Variants in DEPDC5 observed in about 807,000 individuals in gnomAD.
DEPDC5 encodes GATOR1 complex protein DEPDC5.
DEPDC5 carries 73 observed loss-of-function variants against 217.3 expected under a neutral mutation model. The observed-to-expected ratio is 0.34, with a 90% CI of 0.28 to 0.41. The LOEUF (loss-of-function observed/expected upper bound fraction) is 0.41. Among genes scored for constraint, DEPDC5 ranks in the 10% least tolerant of loss-of-function variants. DEPDC5 has a pLI of 1.00. For missense variants in DEPDC5, 1,675 were observed against 2,070.1 expected (o/e 0.81, Z 3.70); for synonymous variants, 733 against 756.7 (o/e 0.97, Z 0.51).
intron 23 of DEPDC5, 87 bp from the exon 24 acceptor site, chr22:31,822,606 C>T: frequency 2.3e-6 from 3 of 1,329,820 alleles, no homozygotes; most frequent in Non-Finnish European, 1.1e-6. Context: ...TTTTATGAAC[C>T]TACCTCCCAC....
chr22:31,876,885 G>C (rs2093006464), intron 37 of DEPDC5, among the ~76,000 whole-genome samples: 1 of 152,160 alleles, frequency 6.6e-6, no homozygotes, highest in African/African-American at 2.4e-5. Flanking sequence ...GGGCATGCTG[G>C]CTCATACCTG....
intron 38 of DEPDC5, among the ~76,000 whole-genome samples, chr22:31,881,291 CA>C (rs67347332): frequency 0.12 from 13,251 of 107,044 alleles, 557 homozygotes; most frequent in South Asian, 0.24. Flanking sequence ...CTCCATCTCT[CA>C]AAAAAAAAAA....
intron 4 of DEPDC5, among the ~76,000 whole-genome samples, chr22:31,762,300 C>T (rs926922560): frequency 2.0e-5 from 3 of 152,178 alleles, no homozygotes; most frequent in Non-Finnish European, 4.4e-5. Flanking sequence ...ACAGTCTAGG[C>T]GTAGCCAGAA....
intron 33 of DEPDC5, among the ~76,000 whole-genome samples, chr22:31,867,519 C>T (rs2092720912): frequency 6.6e-6 from 1 of 152,210 alleles, no homozygotes. Flanking sequence ...AAAAGATACA[C>T]ATTGTGTGAT....
intron 7 of DEPDC5, among the ~76,000 whole-genome samples, chr22:31,773,298 C>T (rs1359951533): frequency 6.6e-6 from 1 of 152,174 alleles, no homozygotes; most frequent in Non-Finnish European, 1.5e-5. Flanking sequence ...AGCAATACTC[C>T]CACCTCAGCC....
intron 9 of DEPDC5, 125 bp from the exon 10 acceptor site, chr22:31,784,689 A>G: frequency 2.6e-6 from 2 of 780,958 alleles, no homozygotes; most frequent in Admixed American, 2.7e-5. Context: ...AAGAAGTTGC[A>G]AGCAGTTTAC....
At chr22:31,754,766 C>G in intron 1 of DEPDC5, 96 bp from the exon 2 acceptor site, 1 of 762,200 alleles carries the variant, frequency 1.3e-6, no homozygotes, top group Admixed American at 2.5e-5. Flanking sequence ...CACTTCACAG[C>G]AGAGGAACAC....
At chr22:31,783,098 T>G (rs1299067844) in intron 8 of DEPDC5, among the ~76,000 whole-genome samples, 4 of 152,046 alleles carry the variant, frequency 2.6e-5, no homozygotes, top group Non-Finnish European at 5.9e-5. Context: ...GCTCTGTGTC[T>G]AGCTAAAGGA....
intron 38 of DEPDC5, among the ~76,000 whole-genome samples, chr22:31,887,527 C>T (rs922037414): frequency 3.3e-5 from 5 of 150,840 alleles, no homozygotes; most frequent in African/African-American, 9.8e-5. Flanking sequence ...AACAAGTGTT[C>T]TCCTGGGGTC....
chr22:31,855,279 G>GGCGTGAGCC (rs2092236523), intron 31 of DEPDC5, among the ~76,000 whole-genome samples: 1 of 151,478 alleles, frequency 6.6e-6, no homozygotes, highest in African/African-American at 2.4e-5. Context: ...ATTTTTTTGA[G>GGCGTGAGCC]ACAATTGAGG....
intron 5 of DEPDC5, among the ~76,000 whole-genome samples, chr22:31,766,025 A>G (rs1203648621): frequency 6.6e-6 from 1 of 152,206 alleles, no homozygotes; most frequent in Non-Finnish European, 1.5e-5. Flanking sequence ...ATCCTGTCTC[A>G]AAAAATAATA....
chr22:31,864,501 A>AATATATATATATATAT lies in DEPDC5; in HGVS notation c.3330+3077_3330+3092dup, dbSNP rs34148134. ...CCTTCTGAACCTGTTTCTTCATTAA[A>AATATATATATATATAT]ATATATATATATATATATATATATT... On this transcript the variant is annotated intron_variant, in intron 33 of 42. Transcript: ENST00000651528. Among the ~76,000 whole-genome samples the AATATATATATATATAT allele has an allele frequency of 8.4e-4, 104 of 123,112 alleles. 2 individuals carry two copies. The highest frequency in any genetic ancestry group is 4.0e-3 in the Middle Eastern group (1 of 248). The allele number at this position is 123,112 out of a possible 152,430, so 80.8% of individuals were successfully genotyped here.
chr22:31,798,844 T>A (rs946518934), intron 14 of DEPDC5, among the ~76,000 whole-genome samples, 188 bp downstream of exon 14: 1 of 152,054 alleles, frequency 6.6e-6, no homozygotes, highest in African/African-American at 2.4e-5. Context: ...GAATAGCTAC[T>A]CCATAGAAAG....
At chr22:31,892,029 T>G (rs796883607) in intron 38 of DEPDC5, among the ~76,000 whole-genome samples, 8 of 152,312 alleles carry the variant, frequency 5.3e-5, no homozygotes, top group African/African-American at 1.9e-4. Context: ...GGTGTTAAGC[T>G]TCATTATAAG....
At chr22:31,859,079 G>GTTTTTTTTTTT (rs136864) in intron 32 of DEPDC5, 2 of 67,008 alleles carry the variant, frequency 3.0e-5, no homozygotes, top group African/African-American at 5.9e-5. Flanking sequence ...CCATTCCTTT[G>GTTTTTTTTTTT]TTTTTTTTTT....
chr22:31,771,128 G>C (rs1291954611), intron 7 of DEPDC5, among the ~76,000 whole-genome samples: 1 of 152,126 alleles, frequency 6.6e-6, no homozygotes, highest in Non-Finnish European at 1.5e-5. Flanking sequence ...GAGGATTGTT[G>C]TAAGATGGTG....
At chr22:31,856,229 T>C (rs2149107765) in intron 31 of DEPDC5, among the ~76,000 whole-genome samples, 1 of 145,278 alleles carries the variant, frequency 6.9e-6, no homozygotes, top group Non-Finnish European at 1.5e-5. Context: ...CTTCATTGCC[T>C]ATGACACACA....
chr22:31,893,575 G>C lies in DEPDC5; in HGVS notation c.4034-7G>C, dbSNP rs1201799588. ...TCTCTTGGGGCCCCTCCTGTGTGCTGACATAGCTGCCACTGTCCCAGAGCA... is the reference window on the plus strand; with the variant it reads ...TCTCTTGGGGCCCCTCCTGTGTGCTCACATAGCTGCCACTGTCCCAGAGCA... On this transcript the variant is annotated splice_polypyrimidine_tract_variant and splice_region_variant and intron_variant, in intron 38 of 42. Transcript: ENST00000651528. 6.3e-7 allele frequency: 1 copy of C among 1,582,984 alleles called. No individual in the cohort carries two copies. Among genetic ancestry groups the C allele is most frequent in the Non-Finnish European group, 8.6e-7 (1 of 1,166,990 alleles).
chr22:31,869,666 A>G (rs1340365661), intron 33 of DEPDC5, among the ~76,000 whole-genome samples: 1 of 151,838 alleles, frequency 6.6e-6, no homozygotes, highest in African/African-American at 2.4e-5. Flanking sequence ...ATTTATACAC[A>G]CACGGTGTCA....
Sources: allele counts gnomAD v4.1 joint callset (sites outside exome capture counted in the v4.1 genomes callset), GRCh38; gene constraint gnomAD v4.1.1; transcripts MANE v1.5; gene names NCBI Gene and HGNC (gene_info 2026-07-23, HGNC 2026-07-21).